CNTN5: variants seen among roughly 807,000 people sequenced by gnomAD.
The protein encoded by CNTN5 is contactin-5.
CNTN5 carries 77 observed loss-of-function variants against 129.1 expected under a neutral mutation model. The ratio of observed to expected loss-of-function variants is 0.60; its 90% confidence interval spans 0.50 to 0.72. CNTN5 has a LOEUF of 0.72. Among genes scored for constraint, CNTN5 ranks in the 30% least tolerant of loss-of-function variants. The pLI is 0.00. For synonymous variants in CNTN5, 509 were observed against 465.6 expected, an observed-to-expected ratio of 1.09 and a Z score of -1.20; for missense variants, 1,478 against 1,328.8, an observed-to-expected ratio of 1.11 and a Z score of -1.75.
chr11:99,464,484 A>G (rs1487895133), intron 2 of CNTN5, among the ~76,000 whole-genome samples: 3 of 152,180 alleles, frequency 2.0e-5, no homozygotes, highest in Admixed American at 1.3e-4. Context: ...ATATATTTAT[A>G]GGTGATGAGT....
intron 1 of CNTN5, among the ~76,000 whole-genome samples, chr11:99,301,989 G>T (rs1388519651): frequency 6.6e-6 from 1 of 151,392 alleles, no homozygotes; most frequent in Non-Finnish European, 1.5e-5. Context: ...GTGGGCCAAA[G>T]ACAAAAAGCT....
chr11:99,113,357 T>C (rs1251279012), intron 1 of CNTN5, among the ~76,000 whole-genome samples: 4 of 152,116 alleles, frequency 2.6e-5, no homozygotes, highest in Non-Finnish European at 5.9e-5. Flanking sequence ...AAGCAGGACC[T>C]AAGTTAACAT....
chr11:99,251,360 G>A (rs1375231310), intron 1 of CNTN5, among the ~76,000 whole-genome samples: 1 of 151,916 alleles, frequency 6.6e-6, no homozygotes, highest in Admixed American at 6.6e-5. Flanking sequence ...TGTGTGGAAA[G>A]TGTGTGTTGA....
intron 6 of CNTN5, among the ~76,000 whole-genome samples, chr11:99,859,007 G>A (rs1467502068): frequency 6.6e-6 from 1 of 152,058 alleles, no homozygotes; most frequent in Non-Finnish European, 1.5e-5. Flanking sequence ...GTGCCTGAAG[G>A]AGGTAACCAA....
chr11:99,071,084 A>G (rs751051894), intron 1 of CNTN5, among the ~76,000 whole-genome samples: 4 of 152,134 alleles, frequency 2.6e-5, no homozygotes, highest in Non-Finnish European at 5.9e-5. Flanking sequence ...ACAATGTATC[A>G]GGCACTTTGC....
intron 6 of CNTN5, among the ~76,000 whole-genome samples, chr11:99,909,549 C>T (rs1949599509): frequency 6.6e-6 from 1 of 152,134 alleles, no homozygotes; most frequent in East Asian, 1.9e-4. Context: ...ATAGCAAAGA[C>T]TTGGAACCAA....
intron 3 of CNTN5, among the ~76,000 whole-genome samples, chr11:99,756,683 T>C (rs1388187937): frequency 6.6e-6 from 1 of 152,098 alleles, no homozygotes; most frequent in East Asian, 1.9e-4. Context: ...TCTCAAGTTA[T>C]TTAAACTTTA....
rs114650751 is a variant in CNTN5, at chr11:100,319,643, T to A, written c.2730+11175T>A. Among the ~76,000 whole-genome samples, 1,332 of 152,296 alleles carry A rather than the reference T, an allele frequency of 8.7e-3. 18 individuals carry two copies. The highest frequency in any genetic ancestry group is 0.031 in the African/African-American group (1,269 of 41,566). The stretch of plus-strand genomic sequence containing the variant: ...TGCAATATATTAATTAGAGTCACAA[T>A]GTTGAGCTTATTGATCTTACCTGAA... On this transcript the variant is annotated intron_variant, in intron 21 of 24. Transcript: ENST00000524871.
At chr11:99,430,044 A>G (rs1404027707) in intron 2 of CNTN5, among the ~76,000 whole-genome samples, 1 of 152,130 alleles carries the variant, frequency 6.6e-6, no homozygotes, top group Non-Finnish European at 1.5e-5. Flanking sequence ...GAATTCACCA[A>G]TGACTCTTGA....
chr11:99,747,630 T>C (rs573224225), intron 3 of CNTN5, among the ~76,000 whole-genome samples: 72 of 151,974 alleles, frequency 4.7e-4, no homozygotes, highest in Middle Eastern at 6.8e-3. Context: ...CTACCATGCC[T>C]GGCTAACTTT....
rs775844018 is a variant in CNTN5 at position 99,740,689 on chromosome 11, C to T, written c.56-78855C>T. Among the ~76,000 whole-genome samples the T allele has an allele frequency of 8.5e-5, 13 of 152,310 alleles. No homozygotes were observed. The South Asian group carries it at 2.5e-3, about 29-fold the overall frequency. On this transcript the variant is annotated intron_variant, in intron 3 of 24. Coordinates refer to ENST00000524871, the MANE Select transcript of CNTN5 (RefSeq NM_014361.4). Reference sequence around the variant, plus strand: ...GGCATCAGGTATAATTATCAACCTGCACCATCAGAGGTTGCAGCAACTCAT... The same window carrying T: ...GGCATCAGGTATAATTATCAACCTGTACCATCAGAGGTTGCAGCAACTCAT...
At chr11:99,399,102 T>C (rs1235554299) in intron 2 of CNTN5, among the ~76,000 whole-genome samples, 1 of 151,712 alleles carries the variant, frequency 6.6e-6, no homozygotes, top group Non-Finnish European at 1.5e-5. Context: ...GCATTTAACA[T>C]TTAATTGTAT....
At chr11:99,359,240 G>C (rs1434970295) in intron 2 of CNTN5, among the ~76,000 whole-genome samples, 1 of 152,038 alleles carries the variant, frequency 6.6e-6, no homozygotes, top group Non-Finnish European at 1.5e-5. Context: ...ACTGTAAACG[G>C]CAGTACAACC....
intron 8 of CNTN5, among the ~76,000 whole-genome samples, chr11:99,966,263 T>G (rs1951091252): frequency 6.6e-6 from 1 of 152,204 alleles, no homozygotes; most frequent in African/African-American, 2.4e-5. Flanking sequence ...AATAACTCTC[T>G]CTTATAAAAT....
At chr11:99,736,531 G>A (rs998838901) in intron 3 of CNTN5, among the ~76,000 whole-genome samples, 2 of 152,098 alleles carry the variant, frequency 1.3e-5, no homozygotes, top group Non-Finnish European at 2.9e-5. Flanking sequence ...TGTGTTAGAC[G>A]ATTGTATCTA....
At chr11:99,788,032 T>C (rs552232397) in intron 3 of CNTN5, among the ~76,000 whole-genome samples, 2 of 152,076 alleles carry the variant, frequency 1.3e-5, no homozygotes, top group South Asian at 4.1e-4. Context: ...GATTAAACTT[T>C]CTTTGTGTTC....
intron 1 of CNTN5, among the ~76,000 whole-genome samples, chr11:99,084,234 C>T (rs1229693399): frequency 1.3e-5 from 2 of 152,182 alleles, no homozygotes; most frequent in Non-Finnish European, 2.9e-5. Context: ...CAAGAACAAC[C>T]TCTATGGCAG....
intron 1 of CNTN5, among the ~76,000 whole-genome samples, chr11:99,027,056 T>C (rs1164864091): frequency 6.6e-6 from 1 of 151,530 alleles, no homozygotes; most frequent in African/African-American, 2.4e-5. Flanking sequence ...TTTTTCACAA[T>C]GAACTTGGTA....
At chr11:100,245,125 T>G (rs541409181) in intron 16 of CNTN5, among the ~76,000 whole-genome samples, 28 of 152,270 alleles carry the variant, frequency 1.8e-4, no homozygotes, top group Non-Finnish European at 3.8e-4. Flanking sequence ...TTGATTAATC[T>G]AGTGGCTCAA....
Sources: allele counts gnomAD v4.1 joint callset (sites outside exome capture counted in the v4.1 genomes callset), GRCh38; gene constraint gnomAD v4.1.1; transcripts MANE v1.5; gene names NCBI Gene and HGNC (gene_info 2026-07-23, HGNC 2026-07-21).